SLC38A3: variants seen among roughly 807,000 people sequenced by gnomAD.
SLC38A3 encodes sodium-coupled neutral amino acid transporter 3.
In SLC38A3, 17 loss-of-function variants were observed where a neutral mutation model predicts 59.5. The ratio of observed to expected loss-of-function variants is 0.29; its 90% CI spans 0.20 to 0.43. The LOEUF (loss-of-function observed/expected upper bound fraction) is 0.43, where lower values mean the gene tolerates loss of function less well. Ranked by LOEUF, SLC38A3 falls within the 20% of genes least tolerant of loss-of-function variation. The probability of loss-of-function intolerance (pLI) is 1.00; values close to 1 mark genes in which losing one functional copy is unlikely to be tolerated. For synonymous variants in SLC38A3, 238 were observed against 260.3 expected, an observed-to-expected ratio of 0.91 and a Z score of 0.82; for missense variants, 454 against 653.9, an observed-to-expected ratio of 0.69 and a Z score of 3.33.
chr3:50,215,844 G>T lies in SLC38A3; in HGVS notation c.548+23G>T. On this transcript the variant is annotated intron_variant, in intron 7 of 15. Coordinates refer to ENST00000614032, the MANE Select transcript of SLC38A3 (RefSeq NM_006841.6). The surrounding 1 kb of genome is among the most constrained non-coding windows in gnomAD (Gnocchi z 7.1). The stretch of plus-strand genomic sequence containing the variant: ...CTCGTGAGCCCTGGCGTGGGGAGGG[G>T]AGGGGAGGGGTGCGGTGCAGTGAGG... The T allele has an allele frequency of 1.4e-6, 2 of 1,388,182 alleles. No individual in the cohort carries two copies. The highest frequency in any genetic ancestry group is 2.0e-6 in the Non-Finnish European group (2 of 1,000,716). The allele number at this position is 1,388,182 out of a possible 1,614,324, so 86.0% of individuals were successfully genotyped here. A position where few individuals can be genotyped will look rare whatever the true frequency, so the allele number is the denominator to read the frequency against.
rs987991020 is a variant in SLC38A3, at chr3:50,215,902, G to C, written c.548+81G>C. 19 of 706,684 alleles carry C rather than the reference G, an allele frequency of 2.7e-5. 1 individual carries two copies. The highest frequency in any genetic ancestry group is 1.5e-4 in the East Asian group (5 of 32,862). 43.8% of individuals were successfully genotyped at this position (706,684 alleles called of 1,614,324 possible). A position where few individuals can be genotyped will look rare whatever the true frequency, so the allele number is the denominator to read the frequency against. ...GGGTGGGGTGGGGCTGGGTGAGGGTGGGGGGGCCCAGGCTGGGCTGGTGGG... is the reference window on the plus strand; with the variant it reads ...GGGTGGGGTGGGGCTGGGTGAGGGTCGGGGGGCCCAGGCTGGGCTGGTGGG... On this transcript the variant is annotated intron_variant, in intron 7 of 15. Coordinates refer to ENST00000614032, the MANE Select transcript of SLC38A3 (RefSeq NM_006841.6). This position sits in a 1 kb window ranked among gnomAD's most constrained non-coding sequence, Gnocchi z 7.1.
chr3:50,207,121 G>A (rs1699658884), intron 1 of SLC38A3, among the ~76,000 whole-genome samples: 1 of 152,174 alleles, frequency 6.6e-6, no homozygotes, highest in Non-Finnish European at 1.5e-5. Context: ...GTGTGGGGTG[G>A]GCCACCAGGG....
intron 1 of SLC38A3, among the ~76,000 whole-genome samples, chr3:50,209,648 C>CAAAAAAAAAA: frequency 8.7e-6 from 1 of 114,956 alleles, no homozygotes; most frequent in African/African-American, 3.3e-5. Context: ...GACTCCGTCT[C>CAAAAAAAAAA]AAAAAAAAAA....
chr3:50,209,386 A>C (rs888217543), intron 1 of SLC38A3, among the ~76,000 whole-genome samples: 14 of 152,138 alleles, frequency 9.2e-5, no homozygotes, highest in Admixed American at 2.0e-4. Flanking sequence ...CAGTGGCTCA[A>C]GCCTGTAATC....
chr3:50,210,106 A>G (rs776294810), intron 1 of SLC38A3, among the ~76,000 whole-genome samples: 2 of 152,174 alleles, frequency 1.3e-5, no homozygotes, highest in Non-Finnish European at 2.9e-5. Flanking sequence ...AAATGTCTCC[A>G]TTGGATCTGG....
chr3:50,217,343 C>T lies in SLC38A3; in HGVS notation c.631+23C>T, dbSNP rs1156916857. The stretch of plus-strand genomic sequence containing the variant: ...TTGGTGAGTGTGGAAGGGTCAGAGC[C>T]TTGGAGGGGATGTTGGAGGCATACA... On this transcript the variant is annotated intron_variant, in intron 8 of 15. Transcript: ENST00000614032. This position sits in a 1 kb window ranked among gnomAD's most constrained non-coding sequence, Gnocchi z 4.9. 2 of 1,612,298 alleles carry T rather than the reference C, an allele frequency of 1.2e-6. No individual in the cohort carries two copies. Among genetic ancestry groups the T allele is most frequent in the Admixed American group, 1.7e-5 (1 of 59,832 alleles).
Position 50,205,359 on chromosome 3 carries a change from G to C in SLC38A3, c.-52+11G>C, listed in dbSNP as rs963406320. 5 of 125,734 alleles carry C rather than the reference G, an allele frequency of 4.0e-5. No individual in the cohort carries two copies. The highest frequency in any genetic ancestry group is 9.1e-5 in the Admixed American group (1 of 10,968). 7.8% of individuals were successfully genotyped at this position (125,734 alleles called of 1,614,324 possible). A position where few individuals can be genotyped will look rare whatever the true frequency, so the allele number is the denominator to read the frequency against. On this transcript the variant is annotated intron_variant, in intron 1 of 15. Transcript: ENST00000614032. Reference sequence around the variant, plus strand: ...CAACCGCGAGGCCAGGTACCGCTTCGGGAGTTCATCCCACCCGCACAGGGG... The same window carrying C: ...CAACCGCGAGGCCAGGTACCGCTTCCGGAGTTCATCCCACCCGCACAGGGG...
chr3:50,212,977 C>G (rs1249857590), intron 1 of SLC38A3, among the ~76,000 whole-genome samples: 1 of 152,188 alleles, frequency 6.6e-6, no homozygotes, highest in Non-Finnish European at 1.5e-5. Flanking sequence ...CAGCTCTCCT[C>G]CTGGCCAGGC....
chr3:50,209,686 G>A (rs1473878071), intron 1 of SLC38A3, among the ~76,000 whole-genome samples: 2 of 151,220 alleles, frequency 1.3e-5, no homozygotes, highest in East Asian at 1.9e-4. Context: ...AAATGTACCC[G>A]GCCACAGGAA....
rs1209588835 is a variant in SLC38A3, at chr3:50,215,530, C to G, written c.374-14C>G. On this transcript the variant is annotated splice_polypyrimidine_tract_variant and intron_variant, in intron 5 of 15. Transcript: ENST00000614032. The surrounding 1 kb of genome is among the most constrained non-coding windows in gnomAD (Gnocchi z 7.1). Reference sequence around the variant, plus strand: ...CTGGGACAAGCTCCTGACTTCTTGACCCTGCTCCTGCAGGCATCCGTGCCT... The same window carrying G: ...CTGGGACAAGCTCCTGACTTCTTGAGCCTGCTCCTGCAGGCATCCGTGCCT... 6.2e-7 allele frequency: 1 copy of G among 1,613,684 alleles called. No individual in the cohort carries two copies. Among genetic ancestry groups the G allele is most frequent in the African/African-American group, 1.3e-5 (1 of 74,918 alleles).
At position 50,215,648 on chromosome 3, in the gene SLC38A3, G is replaced by A. The variant is rs760351409; in HGVS notation, c.466+12G>A. On this transcript the variant is annotated intron_variant, in intron 6 of 15. Transcript: ENST00000614032. This position sits in a 1 kb window ranked among gnomAD's most constrained non-coding sequence, Gnocchi z 7.1. ...CCAGAACATCGGAGGTAAGAGCAGT[G>A]GGCAGGGGCAGGCAGTAGGGAGGTG... 1.9e-6 allele frequency: 3 copies of A among 1,613,374 alleles called. No homozygotes were observed. The highest frequency in any genetic ancestry group is 1.7e-6 in the Non-Finnish European group (2 of 1,179,674).
chr3:50,212,440 G>A (rs527708282), intron 1 of SLC38A3, among the ~76,000 whole-genome samples: 1 of 152,350 alleles, frequency 6.6e-6, no homozygotes, highest in Admixed American at 6.5e-5. Flanking sequence ...GCAGGGGCAT[G>A]AGGACATGTG....
Position 50,218,206 on chromosome 3 carries a change from C to T in SLC38A3, c.936-64C>T. 5 of 1,223,500 alleles carry T rather than the reference C, an allele frequency of 4.1e-6. No individual in the cohort carries two copies. Among genetic ancestry groups the T allele is most frequent in the Non-Finnish European group, 4.8e-6 (4 of 826,110 alleles). 75.8% of individuals were successfully genotyped at this position (1,223,500 alleles called of 1,614,324 possible). On this transcript the variant is annotated intron_variant, in intron 11 of 15. Transcript: ENST00000614032. The surrounding 1 kb of genome is among the most constrained non-coding windows in gnomAD (Gnocchi z 5.8). ...GTATGGTGCCAGAGAGAGCTTGGGG[C>T]ACATGGGGGTCTCCCAATGTTACCC...
At position 50,215,612 on chromosome 3, in the gene SLC38A3, G is replaced by A; in HGVS notation, c.442G>A (p.Ala148Thr). The A allele has an allele frequency of 1.2e-6, 2 of 1,613,724 alleles. No individual in the cohort carries two copies. The highest frequency in any genetic ancestry group is 1.7e-6 in the Non-Finnish European group (2 of 1,179,866). Residue 148 changes from alanine to threonine, a missense_variant, in exon 6 of 16, where the codon GCC (alanine) becomes ACC (threonine). Coordinates refer to ENST00000614032, the MANE Select transcript of SLC38A3 (RefSeq NM_006841.6). This position sits in a 1 kb window ranked among gnomAD's most constrained non-coding sequence, Gnocchi z 7.1. The stretch of plus-strand genomic sequence containing the variant: ...CCCAGGAAAGCTGGCAGCAGCCCTG[G>A]CCATCACGCTCCAGAACATCGGAGG... Reference protein sequence around the residue: ...GTPGKLAAALAITLQNIGAMS... With the variant: ...GTPGKLAAALTITLQNIGAMS...
At chr3:50,219,779 C>A in intron 14 of SLC38A3, 102 bp from the exon 15 acceptor site, 1 of 945,852 alleles carries the variant, frequency 1.1e-6, no homozygotes, top group South Asian at 1.6e-5. Flanking sequence ...CAACATGAAA[C>A]TCCCTCAACA....
rs77285306 is a variant in SLC38A3 at position 50,220,466 on chromosome 3, A to G, written c.*289A>G. On this transcript the variant is annotated 3_prime_UTR_variant, in exon 16 of 16. Coordinates refer to ENST00000614032, the MANE Select transcript of SLC38A3 (RefSeq NM_006841.6). ...CAAGCCCCTCATTCCCTCCTTGCAC[A>G]GATGCATACACTGGGGCCCAGCAGC... is the stretch of plus-strand genomic sequence containing the variant. The G allele has an allele frequency of 9.6e-3, 4,094 of 426,688 alleles. 150 individuals carry two copies. The highest frequency in any genetic ancestry group is 0.074 in the African/African-American group (3,702 of 50,004). 26.4% of individuals were successfully genotyped at this position (426,688 alleles called of 1,614,324 possible).
rs1699854136 is a variant in SLC38A3 at position 50,218,491 on chromosome 3, G to A, written c.1037-102G>A. On this transcript the variant is annotated intron_variant, in intron 12 of 15. Coordinates refer to ENST00000614032, the MANE Select transcript of SLC38A3 (RefSeq NM_006841.6). This position sits in a 1 kb window ranked among gnomAD's most constrained non-coding sequence, Gnocchi z 5.8. The stretch of plus-strand genomic sequence containing the variant: ...GGCTGTGCCTTGCCGCTGTGGAGGT[G>A]AGTCTGCATGCCAATCCCCACAGTG... The A allele has an allele frequency of 1.3e-6, 2 of 1,573,298 alleles. No homozygotes were observed. Among genetic ancestry groups the A allele is most frequent in the South Asian group, 2.2e-5 (2 of 89,442 alleles).
chr3:50,216,613 A>C (rs188785805), intron 7 of SLC38A3, among the ~76,000 whole-genome samples: 1 of 152,018 alleles, frequency 6.6e-6, no homozygotes, highest in African/African-American at 2.4e-5. Context: ...ACCCACCTCC[A>C]TCCAAAGGCT....
chr3:50,220,356 C>T lies in SLC38A3; in HGVS notation c.*179C>T. On this transcript the variant is annotated 3_prime_UTR_variant, in exon 16 of 16. Coordinates refer to ENST00000614032, the MANE Select transcript of SLC38A3 (RefSeq NM_006841.6). ...TTGTTCAAGAGCCAGGACCAAGGCCCTTGGGCCACTACCCTGCTAGGCTCT... is the reference window on the plus strand; with the variant it reads ...TTGTTCAAGAGCCAGGACCAAGGCCTTTGGGCCACTACCCTGCTAGGCTCT... 1 of 605,338 alleles carries T rather than the reference C, an allele frequency of 1.7e-6. No individual in the cohort carries two copies. The highest frequency in any genetic ancestry group is 2.8e-5 in the East Asian group (1 of 35,584). 37.5% of individuals were successfully genotyped at this position (605,338 alleles called of 1,614,324 possible).
Sources: allele counts gnomAD v4.1 joint callset (sites outside exome capture counted in the v4.1 genomes callset), GRCh38; gene constraint gnomAD v4.1.1; non-coding constraint Gnocchi (gnomAD v3.1); transcripts MANE v1.5; gene names NCBI Gene and HGNC (gene_info 2026-07-23, HGNC 2026-07-21).